The following TMTC2 variants were observed in gnomAD, a reference collection of about 807,000 sequenced individuals.
The protein encoded by TMTC2 is protein O-mannosyl-transferase TMTC2.
A neutral mutation model predicts 82.4 loss-of-function variants in TMTC2; 43 were observed. The observed-to-expected ratio is 0.52, with a 90% CI of 0.41 to 0.67. The LOEUF (loss-of-function observed/expected upper bound fraction) is 0.67, where lower values mean the gene tolerates loss of function less well. Among genes scored for constraint, TMTC2 ranks in the 30% least tolerant of loss-of-function variants. The pLI, the probability that TMTC2 is intolerant of heterozygous loss-of-function variation, is 0.00. For synonymous variants in TMTC2, 408 were observed against 381.9 expected (o/e 1.07, Z -0.80); for missense variants, 919 against 1,012.4 (o/e 0.91, Z 1.25).
intron 1 of TMTC2, among the ~76,000 whole-genome samples, chr12:82,828,436 G>A (rs1869556485): frequency 6.6e-6 from 1 of 152,054 alleles, no homozygotes; most frequent in African/African-American, 2.4e-5. Context: ...CTGGCCTCAA[G>A]CGATCTGCCC....
intron 4 of TMTC2, among the ~76,000 whole-genome samples, chr12:82,955,099 G>C (rs1232644022): frequency 2.0e-5 from 3 of 152,152 alleles, no homozygotes; most frequent in Non-Finnish European, 4.4e-5. Flanking sequence ...TTCAACTTTA[G>C]TGCTGTTGAC....
chr12:82,795,248 T>C (rs1163674549), intron 1 of TMTC2, among the ~76,000 whole-genome samples: 1 of 144,118 alleles, frequency 6.9e-6, no homozygotes, highest in Non-Finnish European at 1.5e-5. Context: ...GGGGTTGCAG[T>C]GAGCCGAGAT....
chr12:82,886,634 T>C (rs2137164140), intron 2 of TMTC2, among the ~76,000 whole-genome samples: 1 of 152,316 alleles, frequency 6.6e-6, no homozygotes, highest in East Asian at 1.9e-4. Flanking sequence ...TTTTAATATT[T>C]TTTGCGATAC....
At chr12:82,780,948 A>G (rs890941205) in intron 1 of TMTC2, among the ~76,000 whole-genome samples, 3 of 152,078 alleles carry the variant, frequency 2.0e-5, no homozygotes, top group African/African-American at 7.2e-5. Context: ...TATTTTAGAA[A>G]GCAGGGCTGG....
rs1368331046 is a variant in TMTC2 at position 82,985,918 on chromosome 12, T to C, written c.1949-7T>C. The C allele has an allele frequency of 6.2e-7, 1 of 1,612,168 alleles. No homozygotes were observed. The highest frequency in any genetic ancestry group is 8.5e-7 in the Non-Finnish European group (1 of 1,178,700). On this transcript the variant is annotated splice_polypyrimidine_tract_variant and splice_region_variant and intron_variant, in intron 7 of 11. Transcript: ENST00000321196. ...CCTTTGACCTTCATGATTAATTCTC[T>C]TTCCAGGTGAAGCATATATGCGTTT...
At chr12:83,069,328 T>C (rs1315945341) in intron 11 of TMTC2, among the ~76,000 whole-genome samples, 1 of 152,174 alleles carries the variant, frequency 6.6e-6, no homozygotes, top group Non-Finnish European at 1.5e-5. Flanking sequence ...GTAGAAATGT[T>C]CCCTGTTCAT....
At chr12:82,859,288 G>A (rs1488866790) in intron 2 of TMTC2, among the ~76,000 whole-genome samples, 1 of 152,030 alleles carries the variant, frequency 6.6e-6, no homozygotes, top group African/African-American at 2.4e-5. Flanking sequence ...GGATGGTCTC[G>A]ATCTCTTGAC....
At chr12:82,932,615 A>G (rs977043110) in intron 4 of TMTC2, among the ~76,000 whole-genome samples, 1 of 152,152 alleles carries the variant, frequency 6.6e-6, no homozygotes, top group Admixed American at 6.5e-5. Flanking sequence ...TTATGAGTTT[A>G]ATGTATTCAC....
intron 1 of TMTC2, among the ~76,000 whole-genome samples, chr12:82,782,738 T>G (rs6539689): frequency 1.5e-4 from 23 of 152,128 alleles, no homozygotes; most frequent in African/African-American, 4.1e-4. Flanking sequence ...ATTTTCTACC[T>G]TTTCTAGACT....
At position 82,942,851 on chromosome 12, in the gene TMTC2, AAAAC is replaced by A. The variant is rs1170639293; in HGVS notation, c.1598+12310_1598+12313del. Among the ~76,000 whole-genome samples the A allele has an allele frequency of 3.3e-5, 5 of 152,220 alleles. No homozygotes were observed. In the East Asian group the frequency reaches 7.7e-4, roughly 23 times the overall value. ...AGCTTAATTTTTTTATTTAGAAAAA[AAAAC>A]AAAAGATGAAACATTTTCTTTCTAT... On this transcript the variant is annotated intron_variant, in intron 4 of 11. Coordinates refer to ENST00000321196, the MANE Select transcript of TMTC2 (RefSeq NM_152588.3).
chr12:82,971,248 CCTT>C (rs1878434043), intron 7 of TMTC2, among the ~76,000 whole-genome samples: 1 of 151,700 alleles, frequency 6.6e-6, no homozygotes, highest in Non-Finnish European at 1.5e-5. Context: ...TCTGCTTAGT[CCTT>C]CTGTGTTACC....
intron 1 of TMTC2, among the ~76,000 whole-genome samples, chr12:82,763,396 C>A (rs1460349787): frequency 6.6e-6 from 1 of 152,178 alleles, no homozygotes; most frequent in African/African-American, 2.4e-5. Context: ...AATGTGCTGA[C>A]CCAAGTGGGG....
At chr12:83,088,080 G>T (rs976479998) in intron 11 of TMTC2, among the ~76,000 whole-genome samples, 1 of 152,228 alleles carries the variant, frequency 6.6e-6, no homozygotes, top group African/African-American at 2.4e-5. Context: ...ATAACTTGCT[G>T]CAGCTTCTGT....
chr12:82,963,951 G>A (rs1165282532), intron 4 of TMTC2, among the ~76,000 whole-genome samples: 1 of 149,894 alleles, frequency 6.7e-6, no homozygotes, highest in Non-Finnish European at 1.5e-5. Context: ...TGACACAAGT[G>A]AGCATTCTTT....
At chr12:82,806,491 C>T (rs536586530) in intron 1 of TMTC2, among the ~76,000 whole-genome samples, 3 of 152,216 alleles carry the variant, frequency 2.0e-5, no homozygotes, top group South Asian at 4.1e-4. Context: ...CGTGGATATA[C>T]AGTTGACCTT....
intron 1 of TMTC2, among the ~76,000 whole-genome samples, chr12:82,803,926 C>T (rs772471138): frequency 4.6e-5 from 7 of 152,064 alleles, no homozygotes; most frequent in East Asian, 1.9e-4. Flanking sequence ...AAACTTGCCT[C>T]GGTGTCTTTT....
At chr12:82,854,997 T>C (rs1461813117) in intron 1 of TMTC2, among the ~76,000 whole-genome samples, 6 of 152,224 alleles carry the variant, frequency 3.9e-5, no homozygotes, top group Admixed American at 3.9e-4. Flanking sequence ...AGAGATCATT[T>C]GCACTAGGGT....
At chr12:82,987,726 G>A (rs1384466125) in intron 8 of TMTC2, among the ~76,000 whole-genome samples, 4 of 152,176 alleles carry the variant, frequency 2.6e-5, no homozygotes, top group East Asian at 1.9e-4. Context: ...AGGAAACAAC[G>A]CTTTGGGCCA....
chr12:82,748,512 A>C (rs1229950085), intron 1 of TMTC2, among the ~76,000 whole-genome samples: 1 of 152,078 alleles, frequency 6.6e-6, no homozygotes, highest in Non-Finnish European at 1.5e-5. Context: ...TAACATGGAG[A>C]CTAATAGTAT....
Sources: gnomAD v4.1 joint callset for allele counts (sites outside exome capture counted in the v4.1 genomes callset) on GRCh38, gnomAD v4.1.1 for gene constraint, MANE v1.5 for transcripts, NCBI Gene and HGNC (gene_info 2026-07-23, HGNC 2026-07-21) for gene names.